The following ZNF716 variants were observed in gnomAD, a reference collection of about 807,000 sequenced individuals.
ZNF716 encodes zinc finger protein 716.
Under a neutral mutation model 13.4 loss-of-function variants are expected in ZNF716, and 9 were observed. That is an observed-to-expected ratio of 0.67 (90% confidence interval 0.41 to 1.18). ZNF716 has a LOEUF of 1.18. ZNF716 is among the 50% of genes most tolerant of loss of function. ZNF716 has a pLI of 0.01. For synonymous variants in ZNF716, 186 were observed against 195.2 expected (o/e 0.95, Z 0.39); for missense variants, 581 against 576.6 (o/e 1.01, Z -0.08).
intron 3 of ZNF716, among the ~76,000 whole-genome samples, chr7:57,467,382 A>G (rs1448847338): frequency 6.6e-6 from 1 of 152,064 alleles, no homozygotes; most frequent in African/African-American, 2.4e-5. Context: ...ACCTCTTTTC[A>G]GCATTTTATT....
intron 3 of ZNF716, among the ~76,000 whole-genome samples, chr7:57,466,585 A>C (rs1554324168): frequency 1.3e-5 from 2 of 152,058 alleles, no homozygotes; most frequent in African/African-American, 4.8e-5. Flanking sequence ...CTTCCACTAT[A>C]ATTGTAAGCT....
At chr7:57,462,349 TTTTACTCTC>T in intron 1 of ZNF716, 102 bp from the exon 2 acceptor site, 1 of 1,295,228 alleles carries the variant, frequency 7.7e-7, no homozygotes, top group Non-Finnish European at 1.1e-6. Context: ...AACCACTTCT[TTTTACTCTC>T]TTATTTAACA....
chr7:57,463,304 A>G (rs1164732634), intron 3 of ZNF716, 136 bp downstream of exon 3: 5 of 1,206,668 alleles, frequency 4.1e-6, no homozygotes, highest in Non-Finnish European at 5.8e-6. Context: ...ATTTTTTTCT[A>G]TTATGCTTAC....
chr7:57,453,711 G>A (rs896239451), intron 1 of ZNF716, among the ~76,000 whole-genome samples: 7 of 152,150 alleles, frequency 4.6e-5, no homozygotes, highest in East Asian at 3.9e-4. Flanking sequence ...TATGGCTGTC[G>A]GAAATGAATA....
At chr7:57,456,712 G>A (rs1554322203) in intron 1 of ZNF716, among the ~76,000 whole-genome samples, 1 of 151,832 alleles carries the variant, frequency 6.6e-6, no homozygotes, top group Non-Finnish European at 1.5e-5. Context: ...CCCAGCCTGG[G>A]CGACAGAGTG....
In ZNF716 at chr7:57,469,990, T is replaced by C. The variant is rs1554325024; in HGVS notation, c.*41T>C. On this transcript the variant is annotated 3_prime_UTR_variant, in exon 4 of 4. Coordinates refer to ENST00000420713, the MANE Select transcript of ZNF716 (RefSeq NM_001159279.1). ...CCCTCAGGCCTTATAATACATAAAA[T>C]AATTTATACTGGAAAAAATCACTAC... The C allele has an allele frequency of 1.0e-5, 15 of 1,467,526 alleles. No individual in the cohort carries two copies. Among genetic ancestry groups the C allele is most frequent in the Non-Finnish European group, 1.4e-5 (15 of 1,108,904 alleles). The allele number at this position is 1,467,526 out of a possible 1,614,324, so 90.9% of individuals were successfully genotyped here.
chr7:57,469,096 C>G lies in ZNF716; in HGVS notation c.635C>G (p.Ser212Cys), dbSNP rs782820398. The G allele has an allele frequency of 1.2e-6, 2 of 1,608,296 alleles. No individual in the cohort carries two copies. The highest frequency in any genetic ancestry group is 1.1e-5 in the South Asian group (1 of 90,642). The change falls in exon 4 of 4, where the codon TCT (serine) becomes TGT (cysteine). Residue 212 changes from serine to cysteine, a missense_variant. Ser to Cys is a moderately radical substitution (Grantham distance 112). Coordinates refer to ENST00000420713, the MANE Select transcript of ZNF716 (RefSeq NM_001159279.1). ...QHQIIHTREKSYKCEECGKSF... is the reference protein window; with the variant it reads ...QHQIIHTREKCYKCEECGKSF... ...CAGATAATTCATACTAGGGAGAAGT[C>G]TTACAAATGTGAAGAATGTGGCAAA...
chr7:57,469,235 A>G lies in ZNF716; in HGVS notation c.774A>G (p.Lys258=). ...TTAGCTGGTCTGCATCCCTTACTAA[A>G]CATAAGAGAATTCATACTGGAGAGA... The part of the protein sequence containing the change: ...KAFSWSASLT[K]HKRIHTGEKP... Residue 258 remains lysine, a synonymous_variant, in exon 4 of 4, where the codon AAA becomes AAG. Coordinates refer to ENST00000420713, the MANE Select transcript of ZNF716 (RefSeq NM_001159279.1). 1.2e-6 allele frequency: 2 copies of G among 1,612,504 alleles called. No homozygotes were observed. Among genetic ancestry groups the G allele is most frequent in the Non-Finnish European group, 1.7e-6 (2 of 1,179,306 alleles).
chr7:57,465,580 C>T (rs1213574863), intron 3 of ZNF716, among the ~76,000 whole-genome samples: 1 of 152,108 alleles, frequency 6.6e-6, no homozygotes, highest in Admixed American at 6.6e-5. Context: ...AAACTTCTTA[C>T]CCCAAGTGAT....
intron 1 of ZNF716, among the ~76,000 whole-genome samples, chr7:57,461,342 G>A (rs782660678): frequency 2.4e-4 from 36 of 152,184 alleles, no homozygotes; most frequent in East Asian, 9.7e-4. Context: ...GTGATGTTGC[G>A]TCCTGTGTGC....
chr7:57,457,999 A>T (rs1167146718), intron 1 of ZNF716, among the ~76,000 whole-genome samples: 1 of 152,218 alleles, frequency 6.6e-6, no homozygotes, highest in Non-Finnish European at 1.5e-5. Context: ...GTTCTTTCTT[A>T]TAACTGCATC....
intron 1 of ZNF716, among the ~76,000 whole-genome samples, chr7:57,453,603 G>A (rs781873692): frequency 2.0e-5 from 3 of 152,068 alleles, no homozygotes; most frequent in Admixed American, 6.6e-5. Flanking sequence ...AATTTTCTCA[G>A]GTGTGTTATT....
At position 57,470,096 on chromosome 7, in the gene ZNF716, TTATAAA is replaced by T. The variant is rs1458850937; in HGVS notation, c.*149_*154del. On this transcript the variant is annotated 3_prime_UTR_variant, in exon 4 of 4. Coordinates refer to ENST00000420713, the MANE Select transcript of ZNF716 (RefSeq NM_001159279.1). ...AGATAATTCATATTGGACAAAAGTC[TTATAAA>T]TGTAAAAAAAAAAGTAACAGCCTTT... The T allele has an allele frequency of 1.7e-5, 13 of 785,268 alleles. No individual in the cohort carries two copies. The highest frequency in any genetic ancestry group is 5.3e-5 in the South Asian group (2 of 37,976). 48.6% of individuals were successfully genotyped at this position (785,268 alleles called of 1,614,324 possible). A position where few individuals can be genotyped will look rare whatever the true frequency, so the allele number is the denominator to read the frequency against.
intron 1 of ZNF716, among the ~76,000 whole-genome samples, chr7:57,458,426 T>A (rs1298179982): frequency 5.9e-5 from 9 of 152,222 alleles, no homozygotes; most frequent in African/African-American, 2.2e-4. Context: ...TTCTTTCTTT[T>A]CTTTTTTTTT....
At chr7:57,459,329 A>G (rs1287518771) in intron 1 of ZNF716, among the ~76,000 whole-genome samples, 1 of 145,750 alleles carries the variant, frequency 6.9e-6, no homozygotes, top group African/African-American at 2.5e-5. Flanking sequence ...CAGGTTTCCC[A>G]AGTGCAGATT....
rs1297874760 is a variant in ZNF716, at chr7:57,464,111, ATTTCTTT to A, written c.262+954_262+960del. ...TAAAAGGTAGTTCAATCATTTGTCC[ATTTCTTT>A]TTTCTTTTTTTTTTTTTTTTGAGAT... On this transcript the variant is annotated intron_variant, in intron 3 of 3. Transcript: ENST00000420713. 1.7e-4 allele frequency among the ~76,000 whole-genome samples: 15 copies of A among 87,666 alleles called. 1 individual carries two copies. Among genetic ancestry groups the A allele is most frequent in the African/African-American group, 5.6e-4 (13 of 23,182 alleles). The allele number at this position is 87,666 out of a possible 152,430, so 57.5% of individuals were successfully genotyped here. A position where few individuals can be genotyped will look rare whatever the true frequency, so the allele number is the denominator to read the frequency against.
rs116117626 is a variant in ZNF716 at position 57,459,429 on chromosome 7, T to G, written c.40-3031T>G. ...TTTTGGAATGGAGATTAGTTGTCTT[T>G]ATTTGTAGCAGAAGTATTAGTATTG... On this transcript the variant is annotated intron_variant, in intron 1 of 3. Transcript: ENST00000420713. Among the ~76,000 whole-genome samples, 1,071 of 152,348 alleles carry G rather than the reference T, an allele frequency of 7.0e-3. 20 individuals are homozygous for G. The highest frequency in any genetic ancestry group is 0.024 in the African/African-American group (1,004 of 41,582).
intron 1 of ZNF716, among the ~76,000 whole-genome samples, chr7:57,456,604 G>T (rs1453751536): frequency 6.6e-6 from 1 of 152,054 alleles, no homozygotes; most frequent in Non-Finnish European, 1.5e-5. Context: ...GCATGGTGAC[G>T]GGTGCCTGTA....
chr7:57,460,136 C>T (rs1225123357), intron 1 of ZNF716, among the ~76,000 whole-genome samples: 1 of 151,984 alleles, frequency 6.6e-6, no homozygotes, highest in African/African-American at 2.4e-5. Context: ...GCCTGTAATC[C>T]GAGCACTTAG....
Sources: gnomAD v4.1 joint callset for allele counts (sites outside exome capture counted in the v4.1 genomes callset) on GRCh38, gnomAD v4.1.1 for gene constraint, MANE v1.5 for transcripts, NCBI Gene and HGNC (gene_info 2026-07-23, HGNC 2026-07-21) for gene names.